Variants in CELA1 observed in about 807,000 individuals in gnomAD.
The protein encoded by CELA1 is chymotrypsin-like elastase family member 1.
Under a neutral mutation model 34.8 loss-of-function variants are expected in CELA1, and 28 were observed. The observed-to-expected ratio is 0.80, with a 90% CI of 0.60 to 1.10. The LOEUF is 1.10. Ranked by LOEUF, CELA1 falls within the 50% of genes least tolerant of loss-of-function variation. The probability of loss-of-function intolerance (pLI) is 0.00; values close to 1 mark genes in which losing one functional copy is unlikely to be tolerated. For synonymous variants in CELA1, 140 were observed against 129.8 expected (o/e 1.08, Z -0.53); for missense variants, 288 against 327.5 (o/e 0.88, Z 0.93).
intron 7 of CELA1, among the ~76,000 whole-genome samples, chr12:51,329,294 T>C (rs1417053445): frequency 6.6e-6 from 1 of 150,842 alleles, no homozygotes; most frequent in Non-Finnish European, 1.5e-5. Flanking sequence ...ATTATCATAA[T>C]GTCCTTAGAA....
chr12:51,334,097 G>C (rs1022754160), intron 6 of CELA1, among the ~76,000 whole-genome samples: 4 of 152,190 alleles, frequency 2.6e-5, no homozygotes, highest in Non-Finnish European at 5.9e-5. Context: ...AGTGGGGAGG[G>C]ACCTGGGGAC....
Position 51,345,822 on chromosome 12 carries a change from C to T in CELA1, c.72G>A (p.Glu24=), listed in dbSNP as rs765064498. 111 of 1,558,472 alleles carry T rather than the reference C, an allele frequency of 7.1e-5. No homozygotes were observed. The highest frequency in any genetic ancestry group is 8.4e-5 in the Non-Finnish European group (97 of 1,150,494). The change falls in exon 2 of 8, where the codon GAG becomes GAA. Residue 24 remains glutamate (E), a synonymous_variant. Transcript: ENST00000293636. ...ETNARVVGGT[E]AGRNSWPSQI... ...GAGAGGGCCAGGAATTCCTCCCGGC[C>T]TCAGTCCCTCCGACTACGCGGGCAT...
At chr12:51,341,099 A>G (rs1946531588) in intron 5 of CELA1, 145 bp downstream of exon 5, 1 of 734,808 alleles carries the variant, frequency 1.4e-6, no homozygotes, top group South Asian at 1.9e-5. Context: ...TTAGCTTGAT[A>G]TAATGCATCA....
At chr12:51,346,006 A>T in intron 1 of CELA1, 129 bp from the exon 2 acceptor site, 1 of 652,286 alleles carries the variant, frequency 1.5e-6, no homozygotes, top group Non-Finnish European at 2.6e-6. Flanking sequence ...TCTCTAACGA[A>T]TGAGGGGCCC....
At chr12:51,337,289 C>T (rs773273199) in intron 6 of CELA1, among the ~76,000 whole-genome samples, 2 of 152,156 alleles carry the variant, frequency 1.3e-5, no homozygotes, top group African/African-American at 2.4e-5. Context: ...AATCCCAGCA[C>T]TCCAGGAGGC....
intron 6 of CELA1, among the ~76,000 whole-genome samples, chr12:51,338,986 A>G (rs1430786943): frequency 6.6e-6 from 1 of 152,158 alleles, no homozygotes; most frequent in East Asian, 1.9e-4. Context: ...TAAAAAGAGA[A>G]ATCTGTAAGA....
At chr12:51,329,639 G>A in intron 7 of CELA1, 45 bp downstream of exon 7, 1 of 1,554,358 alleles carries the variant, frequency 6.4e-7, no homozygotes, top group Non-Finnish European at 8.7e-7. Flanking sequence ...CAGTGCGTAG[G>A]TCTCCAGGTG....
At chr12:51,330,929 C>T (rs1277110030) in intron 6 of CELA1, among the ~76,000 whole-genome samples, 1 of 139,774 alleles carries the variant, frequency 7.2e-6, no homozygotes, top group African/African-American at 2.6e-5. Flanking sequence ...AAGATGGCGC[C>T]ACTGGGCTCC....
chr12:51,334,437 CT>C (rs955464596), intron 6 of CELA1, among the ~76,000 whole-genome samples: 6 of 149,426 alleles, frequency 4.0e-5, no homozygotes, highest in Admixed American at 6.7e-5. Context: ...CTTTTTAATC[CT>C]TTTTTTTTTC....
At position 51,328,523 on chromosome 12, in the gene CELA1, C is replaced by T. The variant is rs959830933; in HGVS notation, c.*54G>A. On this transcript the variant is annotated 3_prime_UTR_variant, in exon 8 of 8. Coordinates refer to ENST00000293636, the MANE Select transcript of CELA1 (RefSeq NM_001971.6). ...TGTGTTTTACTTTTTGATCGCAAGT[C>T]CTACTGCAGATCTAAGAACCATTTT... 3 of 1,587,750 alleles carry T rather than the reference C, an allele frequency of 1.9e-6. 1 individual carries two copies. In the African/African-American group the frequency reaches 4.0e-5, roughly 21 times the overall value.
rs568198922 is a variant in CELA1 at position 51,334,504 on chromosome 12, G to A, written c.610-4671C>T. ...GCTGGAGTGCAGTGGCACGATTTCA[G>A]CTCACTGCAAGCTCCACCTCCCCGG... On this transcript the variant is annotated intron_variant, in intron 6 of 7. Coordinates refer to ENST00000293636, the MANE Select transcript of CELA1 (RefSeq NM_001971.6). Among the ~76,000 whole-genome samples the A allele has an allele frequency of 9.2e-5, 14 of 152,142 alleles. 1 individual carries two copies. The highest frequency in any genetic ancestry group is 8.5e-4 in the Admixed American group (13 of 15,276).
chr12:51,344,723 G>T (rs1406928918), intron 2 of CELA1, among the ~76,000 whole-genome samples: 1 of 152,074 alleles, frequency 6.6e-6, no homozygotes, highest in Non-Finnish European at 1.5e-5. Context: ...GGAACTATAG[G>T]CAAAGATTTG....
intron 3 of CELA1, 136 bp from the exon 4 acceptor site, chr12:51,342,836 G>T: frequency 2.1e-6 from 2 of 958,466 alleles, no homozygotes; most frequent in Non-Finnish European, 2.9e-6. Flanking sequence ...TTAGAGATGG[G>T]GTTTTGCTGT....
At chr12:51,338,543 T>C (rs1351080077) in intron 6 of CELA1, among the ~76,000 whole-genome samples, 3 of 152,116 alleles carry the variant, frequency 2.0e-5, no homozygotes, top group African/African-American at 7.2e-5. Context: ...TATTCCTATT[T>C]GCCCCTCAGG....
chr12:51,341,303 T>C lies in CELA1; in HGVS notation c.404A>G (p.Glu135Gly). The C allele has an allele frequency of 6.2e-7, 1 of 1,614,160 alleles. No homozygotes were observed. The highest frequency in any genetic ancestry group is 8.5e-7 in the Non-Finnish European group (1 of 1,180,026). Residue 135 changes from glutamate (E) to glycine (G), a missense_variant, in exon 5 of 8, where the codon GAG becomes GGG. Physicochemically the swap from Glu to Gly is moderately conservative, Grantham distance 98. Coordinates refer to ENST00000293636, the MANE Select transcript of CELA1 (RefSeq NM_001971.6). The stretch of plus-strand genomic sequence containing the variant: ...ACTGTTGTTAGCCAGGATGGCTCCC[T>C]CCTGGGGCAGAACACCCAGCTGGAC... ...SYVQLGVLPQ[E>G]GAILANNSPC...
At chr12:51,338,294 A>ACACACACACACC (rs1946512902) in intron 6 of CELA1, among the ~76,000 whole-genome samples, 1 of 46,756 alleles carries the variant, frequency 2.1e-5, no homozygotes, top group African/African-American at 5.8e-5. Flanking sequence ...ACACATACAC[A>ACACACACACACC]TACGCATACA....
At chr12:51,345,656 C>T (rs1946561192) in intron 2 of CELA1, 139 bp downstream of exon 2, 1 of 734,062 alleles carries the variant, frequency 1.4e-6, no homozygotes, top group Admixed American at 2.1e-5. Flanking sequence ...AGCCTGATCC[C>T]ATCCATCTTT....
In CELA1 at chr12:51,335,091, T is replaced by C. The variant is rs1423217166; in HGVS notation, c.609+4769A>G. 2.0e-5 allele frequency among the ~76,000 whole-genome samples: 3 copies of C among 152,314 alleles called. No homozygotes were observed. In the East Asian group the frequency reaches 5.8e-4, roughly 29 times the overall value. On this transcript the variant is annotated intron_variant, in intron 6 of 7. Transcript: ENST00000293636. Reference sequence around the variant, plus strand: ...GGCTACCAAATCCAGCAAACTTTTCTATGTCTGTGTGCACATCTGGTATCC... The same window carrying C: ...GGCTACCAAATCCAGCAAACTTTTCCATGTCTGTGTGCACATCTGGTATCC...
intron 4 of CELA1, among the ~76,000 whole-genome samples, chr12:51,341,742 A>C (rs766728898): frequency 1.3e-5 from 2 of 152,072 alleles, no homozygotes; most frequent in Non-Finnish European, 2.9e-5. Context: ...GCTCAGTAGA[A>C]TATCCCAATT....
Sources: gnomAD v4.1 joint callset for allele counts (sites outside exome capture counted in the v4.1 genomes callset) on GRCh38, gnomAD v4.1.1 for gene constraint, MANE v1.5 for transcripts, NCBI Gene and HGNC (gene_info 2026-07-23, HGNC 2026-07-21) for gene names.